Variants in ACE observed in about 807,000 individuals in gnomAD.
ACE encodes angiotensin-converting enzyme.
In ACE, 122 loss-of-function variants were observed where a neutral mutation model predicts 162.3. That is an observed-to-expected ratio of 0.75 (90% confidence interval 0.65 to 0.87). The LOEUF (loss-of-function observed/expected upper bound fraction) is 0.87, where lower values mean the gene tolerates loss of function less well. Ranked by LOEUF, ACE falls within the 40% of genes least tolerant of loss-of-function variation. The pLI, the probability that ACE is intolerant of heterozygous loss-of-function variation, is 0.00. For missense variants in ACE, 1,799 were observed against 1,735.1 expected (o/e 1.04, Z -0.65); for synonymous variants, 796 against 720.6 (o/e 1.10, Z -1.68).
At chr17:63,481,793 A>C in intron 7 of ACE, 55 bp downstream of exon 7, 4 of 1,611,452 alleles carry the variant, frequency 2.5e-6, no homozygotes, top group Non-Finnish European at 3.4e-6. Context: ...GGCCCGGGGA[A>C]AGGCAGGCAG....
In ACE at chr17:63,491,999, C is replaced by T. The variant is rs1293676437; in HGVS notation, c.2912+618C>T. Among the ~76,000 whole-genome samples the T allele has an allele frequency of 2.2e-4, 34 of 152,336 alleles. No individual in the cohort carries two copies. Among genetic ancestry groups the T allele is most frequent in the Middle Eastern group, 6.8e-3 (2 of 294 alleles). ...CCGGGATGGCTCAATGGGGGCCATA[C>T]GTCCAGAGCCCCAGTTCTGGCTGTC... On this transcript the variant is annotated intron_variant, in intron 19 of 24. Transcript: ENST00000290866. This position sits in a 1 kb window ranked among gnomAD's most constrained non-coding sequence, Gnocchi z 4.4.
chr17:63,494,350 A>G (rs1239545796), intron 21 of ACE, 22 bp from the exon 22 acceptor site: 1 of 1,610,088 alleles, frequency 6.2e-7, no homozygotes, highest in Non-Finnish European at 8.5e-7. Context: ...CTCATCTTCC[A>G]ACATATATTC....
chr17:63,483,199 C>T (rs1421239286), intron 9 of ACE, 26 bp downstream of exon 9: 33 of 1,612,508 alleles, frequency 2.0e-5, no homozygotes, highest in Admixed American at 1.3e-4. Flanking sequence ...GAAAAGCCTT[C>T]GCCCCAGCTA....
Position 63,497,305 on chromosome 17 carries a change from G to C in ACE, c.3860G>C (p.Ser1287Thr). 2 of 1,549,870 alleles carry C rather than the reference G, an allele frequency of 1.3e-6. No homozygotes were observed. The highest frequency in any genetic ancestry group is 1.7e-6 in the Non-Finnish European group (2 of 1,148,004). Residue 1287 changes from serine (S) to threonine (T), a missense_variant, in exon 25 of 25, where the codon AGC (serine) becomes ACC (threonine). By Grantham distance (58) the Ser-to-Thr change is moderately conservative (BLOSUM62 1). Coordinates refer to ENST00000290866, the MANE Select transcript of ACE (RefSeq NM_000789.4). ...CGGCTCTTCAGCATCCGCCACCGCA[G>C]CCTCCACCGGCACTCCCACGGGCCC... is the stretch of plus-strand genomic sequence containing the variant. ...SQRLFSIRHRSLHRHSHGPQF... is the reference protein window; with the variant it reads ...SQRLFSIRHRTLHRHSHGPQF...
At chr17:63,488,896 C>T (rs377012934) in intron 16 of ACE, 45 bp from the exon 17 acceptor site, 884 of 1,613,330 alleles carry the variant, frequency 5.5e-4, no homozygotes, top group Non-Finnish European at 7.0e-4. Flanking sequence ...CTGGAGGAGG[C>T]AGGTAATGTG....
At position 63,488,674 on chromosome 17, in the gene ACE, C is replaced by A. The variant is rs745724462; in HGVS notation, c.2332C>A (p.Arg778=). ...TCTGACGAATGTGATGGCCACGTCC[C>A]GGAAATATGAAGACCTGTTATGGGC... The part of the protein sequence containing the change: ...PDLTNVMATS[R]KYEDLLWAWE... The change falls in exon 16 of 25, where the codon CGG becomes AGG. Residue 778 remains arginine, a synonymous_variant. Transcript: ENST00000290866. 6.2e-7 allele frequency: 1 copy of A among 1,613,292 alleles called. No homozygotes were observed. The highest frequency in any genetic ancestry group is 2.2e-5 in the East Asian group (1 of 44,772).
intron 13 of ACE, among the ~76,000 whole-genome samples, chr17:63,486,050 C>T (rs1376957896): frequency 6.6e-6 from 1 of 152,206 alleles, no homozygotes; most frequent in Non-Finnish European, 1.5e-5. Flanking sequence ...CTGTTTGTCT[C>T]CTCTACAAAA....
chr17:63,487,127 G>A (rs1599146976), intron 15 of ACE, 54 bp downstream of exon 15: 2 of 1,496,324 alleles, frequency 1.3e-6, no homozygotes, highest in East Asian at 2.3e-5. Flanking sequence ...CTGGCATGGG[G>A]CCCGGGGGTG....
chr17:63,480,235 C>A (rs1215475812), intron 4 of ACE, 102 bp from the exon 5 acceptor site: 3 of 1,289,648 alleles, frequency 2.3e-6, no homozygotes, highest in Admixed American at 1.8e-5. Context: ...CAGCTAGCTG[C>A]AGATCCACGG....
In ACE at chr17:63,491,772, C is replaced by A. The variant is rs1227504970; in HGVS notation, c.2912+391C>A. Among the ~76,000 whole-genome samples, 1 of 152,210 alleles carries A rather than the reference C, an allele frequency of 6.6e-6. No individual in the cohort carries two copies. Among genetic ancestry groups the A allele is most frequent in the African/African-American group, 2.4e-5 (1 of 41,446 alleles). On this transcript the variant is annotated intron_variant, in intron 19 of 24. Transcript: ENST00000290866. This position sits in a 1 kb window ranked among gnomAD's most constrained non-coding sequence, Gnocchi z 4.4. Reference sequence around the variant, plus strand: ...GGTGCTCTGTACAGATCCACTCTCACCCCTGACAGGCTCAGAAGCTGCCTT... The same window carrying A: ...GGTGCTCTGTACAGATCCACTCTCAACCCTGACAGGCTCAGAAGCTGCCTT...
At chr17:63,479,149 T>C (rs1429328214) in intron 3 of ACE, 49 bp downstream of exon 3, 1 of 1,462,638 alleles carries the variant, frequency 6.8e-7, no homozygotes, top group Non-Finnish European at 9.4e-7. Context: ...TGTTCCCACA[T>C]TGCCCTGCTG....
chr17:63,497,251 T>C lies in ACE; in HGVS notation c.3806T>C (p.Leu1269Pro). The C allele has an allele frequency of 6.3e-7, 1 of 1,576,214 alleles. No homozygotes were observed. Among genetic ancestry groups the C allele is most frequent in the Non-Finnish European group, 8.6e-7 (1 of 1,164,576 alleles). The change falls in exon 25 of 25, where the codon CTG (leucine) becomes CCG (proline). Residue 1269 changes from leucine (L) to proline (P), a missense_variant. Leu to Pro is a moderately conservative substitution (Grantham distance 98). Transcript: ENST00000290866. ...CTGCTGCTCTTCCTGGGCATCGCCC[T>C]GCTGGTAGCCACCCTGGGCCTCAGC... ...QWLLLFLGIA[L>P]LVATLGLSQR...
chr17:63,496,241 C>T (rs2030719803), intron 22 of ACE, 153 bp from the exon 23 acceptor site: 4 of 1,158,438 alleles, frequency 3.5e-6, no homozygotes, highest in South Asian at 1.3e-5. Flanking sequence ...GGGAGCTCAC[C>T]CTGATAGCTG....
chr17:63,488,238 A>G (rs528844543), intron 15 of ACE, among the ~76,000 whole-genome samples: 1 of 151,986 alleles, frequency 6.6e-6, no homozygotes, highest in Non-Finnish European at 1.5e-5. Flanking sequence ...GCATGCCTGT[A>G]GTCCTAGCTG....
At chr17:63,487,213 C>A in intron 15 of ACE, 140 bp downstream of exon 15, 1 of 736,610 alleles carries the variant, frequency 1.4e-6, no homozygotes, top group Non-Finnish European at 2.4e-6. Context: ...TCTTGTTTTC[C>A]ACGAGGGGGG....
intron 6 of ACE, 55 bp downstream of exon 6, chr17:63,481,243 A>G (rs1334779858): frequency 2.0e-6 from 3 of 1,510,842 alleles, no homozygotes; most frequent in Non-Finnish European, 2.7e-6. Flanking sequence ...GGCGCAAAAA[A>G]AGGGAGTCAC....
rs4315 is a variant in ACE at position 63,484,675 on chromosome 17, CA to C, written c.1921+136del. 755 of 1,445,646 alleles carry C rather than the reference CA, an allele frequency of 5.2e-4. 6 individuals are homozygous for C. The African/African-American group carries it at 9.7e-3, about 18-fold the overall frequency. 89.6% of individuals were successfully genotyped at this position (1,445,646 alleles called of 1,614,324 possible). On this transcript the variant is annotated intron_variant, in intron 12 of 24. Transcript: ENST00000290866. The surrounding 1 kb of genome is among the most constrained non-coding windows in gnomAD (Gnocchi z 4.0). The stretch of plus-strand genomic sequence containing the variant: ...TGTCCTGGAGGGCCAGGCAGCCCCC[CA>C]AGCTCATCAGCAGGGCCTGCGAGTG...
chr17:63,480,513 C>A lies in ACE; in HGVS notation c.832C>A (p.Pro278Thr), dbSNP rs1229110590. ...DRYINLRGPI[P>T]AHLLGDMWAQ... ...ATACATCAACCTCAGGGGACCCATC[C>A]CTGCTCATCTGCTGGGTAAGGACCT... is the stretch of plus-strand genomic sequence containing the variant. Residue 278 changes from proline (P) to threonine (T), a missense_variant, in exon 5 of 25, where the codon CCT (proline) becomes ACT (threonine). Transcript: ENST00000290866. 6.2e-7 allele frequency: 1 copy of A among 1,613,880 alleles called. No homozygotes were observed. The highest frequency in any genetic ancestry group is 1.7e-5 in the Admixed American group (1 of 60,034).
chr17:63,497,061 G>C, intron 24 of ACE, 76 bp downstream of exon 24: 2 of 1,584,674 alleles, frequency 1.3e-6, no homozygotes, highest in Non-Finnish European at 1.7e-6. Flanking sequence ...GGCTGACCTC[G>C]GAGCCTGGCC....
Sources: allele counts gnomAD v4.1 joint callset (sites outside exome capture counted in the v4.1 genomes callset), GRCh38; gene constraint gnomAD v4.1.1; non-coding constraint Gnocchi (gnomAD v3.1); transcripts MANE v1.5; gene names NCBI Gene and HGNC (gene_info 2026-07-23, HGNC 2026-07-21).